The following WWOX variants were observed in gnomAD, a reference collection of about 807,000 sequenced individuals.
WWOX encodes the protein WW domain-containing oxidoreductase.
Under a neutral mutation model 46.2 loss-of-function variants are expected in WWOX, and 69 were observed. That is an observed-to-expected ratio of 1.49 (90% CI 1.23 to 1.82). The LOEUF is 1.82. Ranked by LOEUF, WWOX falls within the 40% of genes most tolerant of loss-of-function variation. The pLI, the probability that WWOX is intolerant of heterozygous loss-of-function variation, is 0.00. For synonymous variants in WWOX, 359 were observed against 202.6 expected (o/e 1.77, Z -6.56); for missense variants, 919 against 542.6 (o/e 1.69, Z -6.89).
intron 8 of WWOX, among the ~76,000 whole-genome samples, chr16:78,982,214 G>A (rs544613950): frequency 4.8e-4 from 73 of 152,274 alleles, no homozygotes; most frequent in South Asian, 2.9e-3. Flanking sequence ...CTAAGAAATA[G>A]GAACATGAAT....
At chr16:78,144,063 AG>A in intron 4 of WWOX, among the ~76,000 whole-genome samples, 1 of 152,180 alleles carries the variant, frequency 6.6e-6, no homozygotes, top group South Asian at 2.1e-4. Context: ...TCAAGATAAT[AG>A]AATATTCACA....
intron 6 of WWOX, among the ~76,000 whole-genome samples, chr16:78,412,029 C>G (rs1444566882): frequency 6.6e-6 from 1 of 152,146 alleles, no homozygotes; most frequent in Admixed American, 6.5e-5. Context: ...GATGACTTCC[C>G]AGATGTGAGG....
At chr16:78,409,687 G>T (rs951763162) in intron 6 of WWOX, among the ~76,000 whole-genome samples, 1 of 152,152 alleles carries the variant, frequency 6.6e-6, no homozygotes, top group Admixed American at 6.5e-5. Context: ...GATTTGTCAT[G>T]GTTCTCATTG....
At chr16:78,733,774 T>A (rs1477072314) in intron 8 of WWOX, among the ~76,000 whole-genome samples, 2 of 147,884 alleles carry the variant, frequency 1.4e-5, no homozygotes, top group African/African-American at 5.0e-5. Flanking sequence ...GTAAATAAAA[T>A]AACTAACTAG....
intron 8 of WWOX, among the ~76,000 whole-genome samples, chr16:78,575,051 ATATATATATATATAT>A (rs2044835180): frequency 8.1e-5 from 1 of 12,346 alleles, no homozygotes; most frequent in Non-Finnish European, 1.6e-4. Context: ...ATATATATAT[ATATATATATATATAT>A]ATATATATAT....
chr16:78,837,035 C>G (rs1371890117), intron 8 of WWOX, among the ~76,000 whole-genome samples: 1 of 151,950 alleles, frequency 6.6e-6, no homozygotes, highest in Non-Finnish European at 1.5e-5. Context: ...ACAATGGAAA[C>G]CAGAGCCCAG....
chr16:78,838,951 G>T (rs1222739206), intron 8 of WWOX, among the ~76,000 whole-genome samples: 2 of 152,126 alleles, frequency 1.3e-5, no homozygotes, highest in Admixed American at 1.3e-4. Flanking sequence ...AACAGCAACT[G>T]GAGGATCCTG....
At chr16:78,745,264 TTCAG>T (rs2049321785) in intron 8 of WWOX, among the ~76,000 whole-genome samples, 1 of 152,204 alleles carries the variant, frequency 6.6e-6, no homozygotes, top group Admixed American at 6.5e-5. Flanking sequence ...ATTTGAATCT[TTCAG>T]CAAGCTTTTG....
intron 5 of WWOX, among the ~76,000 whole-genome samples, chr16:78,219,692 A>AG (rs1421840653): frequency 6.6e-6 from 1 of 152,182 alleles, no homozygotes; most frequent in African/African-American, 2.4e-5. Flanking sequence ...GCAACCAGGC[A>AG]GATAAAGCTC....
chr16:78,968,414 C>A (rs1265056425), intron 8 of WWOX, among the ~76,000 whole-genome samples: 3 of 152,230 alleles, frequency 2.0e-5, no homozygotes, highest in Non-Finnish European at 4.4e-5. Context: ...AGACCAGGTC[C>A]TGGTGGTAGC....
At chr16:78,644,530 C>A (rs897143185) in intron 8 of WWOX, among the ~76,000 whole-genome samples, 11 of 151,974 alleles carry the variant, frequency 7.2e-5, no homozygotes, top group African/African-American at 1.4e-4. Context: ...GGGGCAAACT[C>A]AGCTCACTGC....
At chr16:78,927,005 A>C (rs951773855) in intron 8 of WWOX, among the ~76,000 whole-genome samples, 5 of 152,130 alleles carry the variant, frequency 3.3e-5, no homozygotes, top group African/African-American at 1.2e-4. Flanking sequence ...CATGTTTCCC[A>C]GGCTGGTTTT....
At chr16:79,085,106 C>CATAT (rs754416280) in intron 8 of WWOX, among the ~76,000 whole-genome samples, 2 of 151,946 alleles carry the variant, frequency 1.3e-5, no homozygotes, top group African/African-American at 4.8e-5. Context: ...CTTAAATATA[C>CATAT]ATATATATAT....
intron 5 of WWOX, among the ~76,000 whole-genome samples, chr16:78,294,377 C>G (rs530963185): frequency 4.6e-5 from 7 of 151,712 alleles, no homozygotes; most frequent in African/African-American, 1.7e-4. Context: ...AATGTTGTTC[C>G]TGGTCTTGCC....
chr16:78,953,613 G>T (rs1195883698), intron 8 of WWOX, among the ~76,000 whole-genome samples: 1 of 152,174 alleles, frequency 6.6e-6, no homozygotes, highest in Non-Finnish European at 1.5e-5. Context: ...TCAATGCCCA[G>T]CTCAGCCCAG....
chr16:79,073,304 T>C (rs1338395952), intron 8 of WWOX, among the ~76,000 whole-genome samples: 1 of 151,942 alleles, frequency 6.6e-6, no homozygotes, highest in Non-Finnish European at 1.5e-5. Context: ...CTCAGCTTCC[T>C]GAGTAGCTGG....
intron 5 of WWOX, among the ~76,000 whole-genome samples, chr16:78,368,244 G>T (rs955475170): frequency 6.6e-5 from 10 of 152,204 alleles, no homozygotes; most frequent in African/African-American, 2.4e-4. Flanking sequence ...AACATGAGTG[G>T]AATGGATTTT....
intron 8 of WWOX, among the ~76,000 whole-genome samples, chr16:78,930,727 A>C (rs1235538856): frequency 6.6e-6 from 1 of 152,116 alleles, no homozygotes; most frequent in Non-Finnish European, 1.5e-5. Flanking sequence ...TGAGTGAGTA[A>C]AGTTGAGCAG....
chr16:78,928,340 C>T (rs934959609), intron 8 of WWOX, among the ~76,000 whole-genome samples: 3 of 151,346 alleles, frequency 2.0e-5, no homozygotes, highest in East Asian at 3.9e-4. Context: ...GTAGCTGGGA[C>T]TACAGGCGCC....
Sources: allele counts gnomAD v4.1 joint callset (sites outside exome capture counted in the v4.1 genomes callset), GRCh38; gene constraint gnomAD v4.1.1; transcripts MANE v1.5; gene names NCBI Gene and HGNC (gene_info 2026-07-23, HGNC 2026-07-21).